The following TMEM120B variants were observed in gnomAD, a reference collection of about 807,000 sequenced individuals.
The protein encoded by TMEM120B is transmembrane protein 120B.
TMEM120B carries 31 observed loss-of-function variants against 55.5 expected under a neutral mutation model. The ratio of observed to expected loss-of-function variants is 0.56; its 90% CI spans 0.42 to 0.75. TMEM120B has a LOEUF of 0.75. Ranked by LOEUF, TMEM120B falls within the 30% of genes least tolerant of loss-of-function variation. TMEM120B has a pLI of 0.00. For synonymous variants in TMEM120B, 203 were observed against 176.3 expected (o/e 1.15, Z -1.20); for missense variants, 399 against 425.5 (o/e 0.94, Z 0.55).
chr12:121,773,606 A>G, intron 9 of TMEM120B, 93 bp downstream of exon 9: 1 of 948,064 alleles, frequency 1.1e-6, no homozygotes, highest in Non-Finnish European at 1.5e-6. Context: ...CCTCCCATAC[A>G]GCGGAGCCAG....
At chr12:121,713,370 C>A (rs1894636603) in intron 1 of TMEM120B, among the ~76,000 whole-genome samples, 1 of 152,194 alleles carries the variant, frequency 6.6e-6, no homozygotes, top group African/African-American at 2.4e-5. Context: ...GGTAGCTCAG[C>A]TCCCACCCCG....
chr12:121,758,099 TA>T (rs1380212066), intron 5 of TMEM120B: 1 of 961,630 alleles, frequency 1.0e-6, no homozygotes, highest in African/African-American at 1.8e-5. Context: ...AGCCTGACTC[TA>T]AAAACAGAAA....
At chr12:121,756,829 G>A (rs553765083) in intron 5 of TMEM120B, among the ~76,000 whole-genome samples, 8 of 152,264 alleles carry the variant, frequency 5.3e-5, no homozygotes, top group African/African-American at 1.9e-4. Flanking sequence ...GGAATCTCAG[G>A]GCCTCAGTTC....
chr12:121,753,580 CA>C (rs113566269), intron 5 of TMEM120B, among the ~76,000 whole-genome samples: 14,196 of 143,952 alleles, frequency 0.099, 1,201 homozygotes, highest in African/African-American at 0.24. Context: ...CAAAAACAAA[CA>C]AAAAAAAAAA....
intron 5 of TMEM120B, 121 bp from the exon 6 acceptor site, chr12:121,761,528 C>G: frequency 1.5e-6 from 1 of 683,594 alleles, no homozygotes; most frequent in South Asian, 1.7e-5. Flanking sequence ...TAAGGGCTTC[C>G]AGAGGCAGCG....
chr12:121,739,554 C>T (rs941580594), intron 1 of TMEM120B, among the ~76,000 whole-genome samples: 3 of 152,062 alleles, frequency 2.0e-5, no homozygotes, highest in Admixed American at 6.6e-5. Flanking sequence ...CTAACTACAG[C>T]CACCACCTCC....
At chr12:121,769,503 T>C (rs1196051364) in intron 6 of TMEM120B, among the ~76,000 whole-genome samples, 1 of 152,098 alleles carries the variant, frequency 6.6e-6, no homozygotes, top group Admixed American at 6.5e-5. Context: ...CCCAGGAATT[T>C]GAGACCAGTC....
chr12:121,735,987 A>G (rs1397673141), intron 1 of TMEM120B, among the ~76,000 whole-genome samples: 3 of 151,864 alleles, frequency 2.0e-5, no homozygotes, highest in African/African-American at 7.3e-5. Flanking sequence ...CCATATTACC[A>G]GATTTTAAAC....
intron 5 of TMEM120B, chr12:121,758,774 A>C (rs1873569397): frequency 8.2e-6 from 8 of 981,520 alleles, no homozygotes; most frequent in Non-Finnish European, 9.7e-6. Context: ...CGCTGTGGTC[A>C]CCATGGAGGA....
rs530366592 is a variant in TMEM120B at position 121,722,210 on chromosome 12, T to G, written c.69+9246T>G. 1.6e-4 allele frequency among the ~76,000 whole-genome samples: 24 copies of G among 152,038 alleles called. No homozygotes were observed. In the East Asian group the frequency reaches 4.2e-3, roughly 27 times the overall value. On this transcript the variant is annotated intron_variant, in intron 1 of 11. Coordinates refer to ENST00000449592, the MANE Select transcript of TMEM120B (RefSeq NM_001080825.2). ...GCCTCCCGGGTTCAAGCGATTCTTC[T>G]GCCTCAGCCCCCTGAGTAGTTGGTA...
chr12:121,757,105 T>G (rs1873496860), intron 5 of TMEM120B, among the ~76,000 whole-genome samples: 3 of 144,376 alleles, frequency 2.1e-5, no homozygotes, highest in African/African-American at 7.9e-5. Context: ...AGGAAATGAG[T>G]GTGGCAAGGG....
Position 121,777,656 on chromosome 12 carries a change from G to C in TMEM120B, c.*1934G>C, listed in dbSNP as rs892388277. 1 of 152,278 alleles carries C rather than the reference G, an allele frequency of 6.6e-6. No individual in the cohort carries two copies. The highest frequency in any genetic ancestry group is 1.5e-5 in the Non-Finnish European group (1 of 68,052). The allele number at this position is 152,278 out of a possible 1,614,324, so 9.4% of individuals were successfully genotyped here. Reference sequence around the variant, plus strand: ...TCAGCTAGCTGTCTGTAAAGGGCCAGATGGCAACTATTTTGAGCTTTATGG... The same window carrying C: ...TCAGCTAGCTGTCTGTAAAGGGCCACATGGCAACTATTTTGAGCTTTATGG... On this transcript the variant is annotated 3_prime_UTR_variant, in exon 12 of 12. Coordinates refer to ENST00000449592, the MANE Select transcript of TMEM120B (RefSeq NM_001080825.2).
chr12:121,717,101 G>C (rs1894716771), intron 1 of TMEM120B, among the ~76,000 whole-genome samples: 1 of 152,180 alleles, frequency 6.6e-6, no homozygotes, highest in Non-Finnish European at 1.5e-5. Context: ...TGGGGTTTCA[G>C]GCATGCTGGT....
In TMEM120B at chr12:121,779,578, G is replaced by GGAAGACGTCCTCCAC; in HGVS notation, c.*3857_*3871dup. ...CTGAGAGCCACCTTGGCGGCCTCCC[G>GGAAGACGTCCTCCAC]GAAGACGTCCTCCACATTCTCCCGA... On this transcript the variant is annotated 3_prime_UTR_variant, in exon 12 of 12. Coordinates refer to ENST00000449592, the MANE Select transcript of TMEM120B (RefSeq NM_001080825.2). 1 of 1,614,132 alleles carries GGAAGACGTCCTCCAC rather than the reference G, an allele frequency of 6.2e-7. No individual in the cohort carries two copies.
At chr12:121,715,594 C>G (rs917280869) in intron 1 of TMEM120B, among the ~76,000 whole-genome samples, 5 of 152,076 alleles carry the variant, frequency 3.3e-5, no homozygotes, top group Non-Finnish European at 7.4e-5. Flanking sequence ...CTGCTCGGTT[C>G]ATGATGGGGG....
chr12:121,738,463 A>G (rs1240999491), intron 1 of TMEM120B, among the ~76,000 whole-genome samples: 1 of 152,126 alleles, frequency 6.6e-6, no homozygotes, highest in Non-Finnish European at 1.5e-5. Context: ...CGGGCCCCTT[A>G]TCTCGCAGCA....
At chr12:121,749,972 A>G (rs1873223833) in intron 3 of TMEM120B, among the ~76,000 whole-genome samples, 1 of 151,826 alleles carries the variant, frequency 6.6e-6, no homozygotes, top group Admixed American at 6.6e-5. Context: ...TAGCCTGGGC[A>G]ACAGAGTGAG....
intron 2 of TMEM120B, among the ~76,000 whole-genome samples, chr12:121,745,501 C>T (rs996069695): frequency 6.6e-6 from 1 of 151,820 alleles, no homozygotes; most frequent in Non-Finnish European, 1.5e-5. Flanking sequence ...AGCAATTCTT[C>T]CTGTCTCAGC....
rs978963282 is a variant in TMEM120B at position 121,781,457 on chromosome 12, C to T, written c.*5735C>T. Reference sequence around the variant, plus strand: ...CTGCACTCCAGCCTGGGTGACAGAGCGAGACCCTGTCTCTTAACAACAAAA... The same window carrying T: ...CTGCACTCCAGCCTGGGTGACAGAGTGAGACCCTGTCTCTTAACAACAAAA... On this transcript the variant is annotated 3_prime_UTR_variant, in exon 12 of 12. Coordinates refer to ENST00000449592, the MANE Select transcript of TMEM120B (RefSeq NM_001080825.2). 1.2e-5 allele frequency: 5 copies of T among 413,616 alleles called. No homozygotes were observed. The highest frequency in any genetic ancestry group is 5.0e-5 in the East Asian group (1 of 19,842). 25.6% of individuals were successfully genotyped at this position (413,616 alleles called of 1,614,324 possible). A position where few individuals can be genotyped will look rare whatever the true frequency, so the allele number is the denominator to read the frequency against.
Sources: gnomAD v4.1 joint callset for allele counts (sites outside exome capture counted in the v4.1 genomes callset) on GRCh38, gnomAD v4.1.1 for gene constraint, MANE v1.5 for transcripts, NCBI Gene and HGNC (gene_info 2026-07-23, HGNC 2026-07-21) for gene names.